DYRK1A: variants seen among roughly 807,000 people sequenced by gnomAD.
DYRK1A encodes the protein dual specificity tyrosine phosphorylation regulated kinase 1A.
DYRK1A carries 9 observed loss-of-function variants against 79.7 expected under a neutral mutation model. The observed-to-expected ratio is 0.11, with a 90% CI of 0.07 to 0.20. DYRK1A has a LOEUF of 0.20. DYRK1A is among the 10% of genes least tolerant of loss of function. DYRK1A has a pLI of 1.00. For missense variants in DYRK1A, 622 were observed against 956.0 expected (o/e 0.65, Z 4.61); for synonymous variants, 349 against 329.7 (o/e 1.06, Z -0.63).
chr21:37,427,133 A>G (rs1039068734), intron 2 of DYRK1A, among the ~76,000 whole-genome samples: 11 of 152,172 alleles, frequency 7.2e-5, no homozygotes, highest in Non-Finnish European at 1.3e-4. Flanking sequence ...TTTTTTTAAG[A>G]GAGTCTTGCT....
chr21:37,385,888 G>T (rs2049750182), intron 1 of DYRK1A, among the ~76,000 whole-genome samples: 1 of 152,132 alleles, frequency 6.6e-6, no homozygotes, highest in Non-Finnish European at 1.5e-5. Flanking sequence ...TGGTATGAAG[G>T]AAATAAGCCT....
intron 2 of DYRK1A, among the ~76,000 whole-genome samples, chr21:37,446,112 T>C (rs555287630): frequency 7.2e-4 from 109 of 151,780 alleles, no homozygotes; most frequent in African/African-American, 2.5e-3. Context: ...TGCAGGAAAA[T>C]GTATTGGAAA....
At chr21:37,366,430 G>A (rs2049305761), upstream of DYRK1A, among the ~76,000 whole-genome samples, 2 of 146,932 alleles carry the variant, frequency 1.4e-5, no homozygotes, top group South Asian at 2.1e-4. Flanking sequence ...GGGGCGGCCG[G>A]GAGGCGGCGG....
chr21:37,478,965 G>A (rs2052500289), intron 4 of DYRK1A, among the ~76,000 whole-genome samples: 1 of 152,136 alleles, frequency 6.6e-6, no homozygotes, highest in African/African-American at 2.4e-5. Context: ...TGGCTTCATT[G>A]CCATTTGCTT....
chr21:37,439,719 T>G (rs920002631), intron 2 of DYRK1A, among the ~76,000 whole-genome samples: 2 of 152,210 alleles, frequency 1.3e-5, no homozygotes, highest in African/African-American at 4.8e-5. Context: ...CAGTCCCTGG[T>G]GCCAAAAAGT....
chr21:37,483,325 ACT>A (rs1461521627), intron 5 of DYRK1A, among the ~76,000 whole-genome samples: 1 of 152,176 alleles, frequency 6.6e-6, no homozygotes, highest in Non-Finnish European at 1.5e-5. Context: ...TTCCCGCAAC[ACT>A]CTATGTCATT....
rs1369398432 is a variant in DYRK1A, at chr21:37,473,311, CAA to C, written c.207+434_207+435del. Among the ~76,000 whole-genome samples the C allele has an allele frequency of 5.9e-5, 9 of 152,188 alleles. No homozygotes were observed. In the East Asian group the frequency reaches 1.7e-3, roughly 29 times the overall value. On this transcript the variant is annotated intron_variant, in intron 3 of 11. Coordinates refer to ENST00000647188, the MANE Select transcript of DYRK1A (RefSeq NM_001347721.2). The stretch of plus-strand genomic sequence containing the variant: ...AATAAATACAAAACTCCCTAAAATT[CAA>C]AAGAGATGTATGCAAATTAACCGTG...
At position 37,506,168 on chromosome 21, in the gene DYRK1A, G is replaced by A. The variant is rs2053591123; in HGVS notation, c.1589G>A (p.Gly530Asp). 5 of 1,614,220 alleles carry A rather than the reference G, an allele frequency of 3.1e-6. No individual in the cohort carries two copies. Among genetic ancestry groups the A allele is most frequent in the Non-Finnish European group, 3.4e-6 (4 of 1,180,042 alleles). ...CCGACGCACCAGCATCGGCACAGTG[G>A]TGGGCACTTCACAGCTGCCGTGCAG... The part of the protein sequence containing the change: ...SDPTHQHRHS[G>D]GHFTAAVQAM... The change falls in exon 11 of 12, where the codon GGT (glycine) becomes GAT (aspartate). Residue 530 changes from glycine to aspartate, a missense_variant. Gly to Asp is a moderately conservative substitution (Grantham distance 94, BLOSUM62 -1). Around this residue, in one of 5 missense-constraint regions of DYRK1A, gnomAD observed 292 missense variants for 316.7 expected, o/e 0.92. Coordinates refer to ENST00000647188, the MANE Select transcript of DYRK1A (RefSeq NM_001347721.2).
chr21:37,421,284 C>A (rs2148428981), intron 2 of DYRK1A, among the ~76,000 whole-genome samples: 1 of 152,036 alleles, frequency 6.6e-6, no homozygotes, highest in East Asian at 1.9e-4. Context: ...CTAATTATAT[C>A]ATTGGTGTAG....
At chr21:37,439,559 C>G (rs891897580) in intron 2 of DYRK1A, among the ~76,000 whole-genome samples, 7 of 152,190 alleles carry the variant, frequency 4.6e-5, no homozygotes, top group African/African-American at 1.7e-4. Flanking sequence ...TTCACGTCAC[C>G]TGAAGCATTA....
chr21:37,376,816 G>A (rs1461586117), intron 1 of DYRK1A, among the ~76,000 whole-genome samples: 3 of 152,062 alleles, frequency 2.0e-5, no homozygotes, highest in Admixed American at 1.3e-4. Flanking sequence ...TCCACAAGTA[G>A]TATATAGTTT....
intron 2 of DYRK1A, among the ~76,000 whole-genome samples, chr21:37,440,293 G>A (rs747629923): frequency 1.3e-5 from 2 of 151,272 alleles, no homozygotes; most frequent in Admixed American, 6.6e-5. Context: ...GTGCCACTAC[G>A]TCTGGCTAAT....
intron 1 of DYRK1A, among the ~76,000 whole-genome samples, chr21:37,406,563 C>A (rs2050149227): frequency 6.6e-6 from 1 of 151,906 alleles, no homozygotes; most frequent in African/African-American, 2.4e-5. Context: ...GGTGTGGTGG[C>A]ACATGCCTAT....
intron 1 of DYRK1A, among the ~76,000 whole-genome samples, chr21:37,398,942 T>A (rs1416458307): frequency 6.9e-6 from 1 of 145,922 alleles, no homozygotes; most frequent in Non-Finnish European, 1.5e-5. Flanking sequence ...GAGAGAACAG[T>A]GTCGGTTGCT....
rs1487717461 is a variant in DYRK1A at position 37,451,380 on chromosome 21, C to A, written c.11-21304C>A. 3.7e-5 allele frequency among the ~76,000 whole-genome samples: 5 copies of A among 135,800 alleles called. No homozygotes were observed. In the Admixed American group the frequency reaches 3.7e-4, roughly 10 times the overall value. 89.1% of individuals were successfully genotyped at this position (135,800 alleles called of 152,430 possible). The stretch of plus-strand genomic sequence containing the variant: ...TCCATCCCTCCCTCCCTCCATCCCT[C>A]CCCCACCCATTGCAACTTCCAGTCC... On this transcript the variant is annotated intron_variant, in intron 2 of 11. Transcript: ENST00000647188.
chr21:37,481,911 CCTT>C (rs2052656842), intron 5 of DYRK1A, among the ~76,000 whole-genome samples: 1 of 152,010 alleles, frequency 6.6e-6, no homozygotes, highest in Non-Finnish European at 1.5e-5. Context: ...AGTTGTAAGT[CCTT>C]CTATCACATT....
chr21:37,369,161 G>GT (rs1176946474), intron 1 of DYRK1A, among the ~76,000 whole-genome samples: 2 of 152,136 alleles, frequency 1.3e-5, no homozygotes, highest in East Asian at 3.8e-4. Context: ...CCCTTTTATA[G>GT]TTTATGTGTC....
intron 2 of DYRK1A, among the ~76,000 whole-genome samples, chr21:37,462,315 C>G (rs2051868084): frequency 6.6e-6 from 1 of 152,134 alleles, no homozygotes; most frequent in South Asian, 2.1e-4. Context: ...TCCTGGCAGG[C>G]TGTTAATTCA....
intron 1 of DYRK1A, among the ~76,000 whole-genome samples, chr21:37,402,102 A>C (rs1241241562): frequency 6.6e-6 from 1 of 152,150 alleles, no homozygotes; most frequent in Non-Finnish European, 1.5e-5. Context: ...TATATTATAC[A>C]TTATGTACAA....
Sources: gnomAD v4.1 joint callset for allele counts (sites outside exome capture counted in the v4.1 genomes callset) on GRCh38, gnomAD v4.1.1 for gene constraint, gnomAD v4.1.1 regional missense constraint, MANE v1.5 for transcripts, NCBI Gene and HGNC (gene_info 2026-07-23, HGNC 2026-07-21) for gene names.